Variants in ST6GALNAC3 observed in about 807,000 individuals in gnomAD.
The protein encoded by ST6GALNAC3 is ST6 N-acetylgalactosaminide alpha-2,6-sialyltransferase 3, also known as alpha-N-acetylgalactosaminide alpha-2,6-sialyltransferase 3.
ST6GALNAC3 carries 25 observed loss-of-function variants against 32.7 expected under a neutral mutation model. The ratio of observed to expected loss-of-function variants is 0.76; its 90% confidence interval spans 0.56 to 1.07. ST6GALNAC3 has a LOEUF of 1.07. Among genes scored for constraint, ST6GALNAC3 ranks in the 50% least tolerant of loss-of-function variants. The pLI is 0.00. For synonymous variants in ST6GALNAC3, 129 were observed against 133.1 expected (o/e 0.97, Z 0.21); for missense variants, 355 against 382.4 (o/e 0.93, Z 0.60).
At chr1:76,220,644 T>G (rs1655712777) in intron 1 of ST6GALNAC3, among the ~76,000 whole-genome samples, 1 of 152,138 alleles carries the variant, frequency 6.6e-6, no homozygotes, top group African/African-American at 2.4e-5. Flanking sequence ...ACGCAATGAC[T>G]TCCTCCTGAA....
intron 1 of ST6GALNAC3, among the ~76,000 whole-genome samples, chr1:76,142,420 G>T (rs1650387895): frequency 6.6e-6 from 1 of 152,172 alleles, no homozygotes; most frequent in African/African-American, 2.4e-5. Flanking sequence ...TTCCTAGGGT[G>T]TTGTCTACAC....
chr1:76,607,025 C>A (rs969418969), intron 3 of ST6GALNAC3, among the ~76,000 whole-genome samples: 2 of 152,094 alleles, frequency 1.3e-5, no homozygotes, highest in African/African-American at 4.8e-5. Context: ...AGACCTGGGC[C>A]TCTCATAATT....
At chr1:76,086,359 GT>G (rs1166536131) in intron 1 of ST6GALNAC3, among the ~76,000 whole-genome samples, 2 of 151,946 alleles carry the variant, frequency 1.3e-5, no homozygotes, top group Non-Finnish European at 2.9e-5. Context: ...AAAGACGATA[GT>G]TTTTTTTCGT....
chr1:76,500,080 G>C (rs903827873), intron 3 of ST6GALNAC3, among the ~76,000 whole-genome samples: 1 of 151,566 alleles, frequency 6.6e-6, no homozygotes, highest in African/African-American at 2.4e-5. Context: ...CATGCTTTTA[G>C]AATCATAAAT....
intron 1 of ST6GALNAC3, among the ~76,000 whole-genome samples, chr1:76,115,146 A>C (rs535952766): frequency 7.9e-5 from 12 of 152,260 alleles, no homozygotes; most frequent in Admixed American, 5.9e-4. Flanking sequence ...AAGGAGAAAA[A>C]TAGATGAGAC....
intron 1 of ST6GALNAC3, among the ~76,000 whole-genome samples, chr1:76,228,448 C>A (rs753965732): frequency 2.0e-5 from 3 of 152,128 alleles, no homozygotes; most frequent in Non-Finnish European, 2.9e-5. Flanking sequence ...AGTAACCTTG[C>A]GAAGAAAGAT....
At chr1:76,111,092 G>A (rs1647898791) in intron 1 of ST6GALNAC3, among the ~76,000 whole-genome samples, 1 of 152,164 alleles carries the variant, frequency 6.6e-6, no homozygotes, top group Admixed American at 6.5e-5. Flanking sequence ...GAACTGTAAT[G>A]TCTAATGTGA....
chr1:76,392,768 A>G (rs1272779472), intron 2 of ST6GALNAC3, among the ~76,000 whole-genome samples: 1 of 152,222 alleles, frequency 6.6e-6, no homozygotes, highest in African/African-American at 2.4e-5. Flanking sequence ...AACCAGAGCA[A>G]GGGTCAACTG....
At chr1:76,256,490 G>A (rs1454920744) in intron 1 of ST6GALNAC3, among the ~76,000 whole-genome samples, 2 of 152,110 alleles carry the variant, frequency 1.3e-5, no homozygotes, top group South Asian at 2.1e-4. Context: ...TTGAAGTGGC[G>A]TTGTAAGTGG....
intron 2 of ST6GALNAC3, among the ~76,000 whole-genome samples, chr1:76,351,131 T>G (rs1648942874): frequency 1.3e-5 from 2 of 152,176 alleles, no homozygotes; most frequent in South Asian, 4.1e-4. Flanking sequence ...ATACAAAGAT[T>G]CGGCTACATT....
chr1:76,221,802 A>C (rs76058167), intron 1 of ST6GALNAC3, among the ~76,000 whole-genome samples: 4,622 of 152,272 alleles, frequency 0.03, 97 homozygotes, highest in Non-Finnish European at 0.05. Context: ...GTTCTGACTT[A>C]ATTCAACTTA....
At chr1:76,510,662 C>A (rs1387780360) in intron 3 of ST6GALNAC3, among the ~76,000 whole-genome samples, 2 of 152,046 alleles carry the variant, frequency 1.3e-5, no homozygotes, top group African/African-American at 4.8e-5. Flanking sequence ...TTGGATAAAC[C>A]CATTGGAAGT....
At chr1:76,147,697 A>G (rs1180193155) in intron 1 of ST6GALNAC3, among the ~76,000 whole-genome samples, 1 of 152,244 alleles carries the variant, frequency 6.6e-6, no homozygotes, top group Middle Eastern at 3.2e-3. Context: ...AACAGTGTCC[A>G]GCAAATGGCA....
At chr1:76,186,230 A>G (rs926440905) in intron 1 of ST6GALNAC3, among the ~76,000 whole-genome samples, 2 of 152,130 alleles carry the variant, frequency 1.3e-5, no homozygotes, top group Non-Finnish European at 2.9e-5. Context: ...CATGCACCTC[A>G]ACTCTGACTT....
chr1:76,103,161 G>A (rs1472879864), intron 1 of ST6GALNAC3, among the ~76,000 whole-genome samples: 1 of 149,758 alleles, frequency 6.7e-6, no homozygotes, highest in Non-Finnish European at 1.5e-5. Context: ...TGGCCTGGGT[G>A]AAGTTTTCTT....
At chr1:76,390,678 T>C (rs1220957788) in intron 2 of ST6GALNAC3, among the ~76,000 whole-genome samples, 2 of 152,080 alleles carry the variant, frequency 1.3e-5, no homozygotes, top group Non-Finnish European at 2.9e-5. Flanking sequence ...CCCCAAACCA[T>C]TGTGTACCTC....
At chr1:76,328,681 T>C (rs1050379759) in intron 2 of ST6GALNAC3, among the ~76,000 whole-genome samples, 5 of 152,284 alleles carry the variant, frequency 3.3e-5, no homozygotes, top group Middle Eastern at 3.4e-3. Context: ...AAAATGTTGA[T>C]TTTCCCAAAT....
intron 2 of ST6GALNAC3, among the ~76,000 whole-genome samples, chr1:76,336,474 C>T (rs948715679): frequency 2.0e-5 from 3 of 152,268 alleles, no homozygotes; most frequent in African/African-American, 2.4e-5. Flanking sequence ...CCATTCGATT[C>T]GGTGGCATTG....
chr1:76,492,213 T>C (rs1660544699), intron 3 of ST6GALNAC3, among the ~76,000 whole-genome samples: 1 of 152,196 alleles, frequency 6.6e-6, no homozygotes, highest in Admixed American at 6.6e-5. Flanking sequence ...AGCGAGTAGA[T>C]GAACAGAAGT....
Sources: gnomAD v4.1 joint callset for allele counts (sites outside exome capture counted in the v4.1 genomes callset) on GRCh38, gnomAD v4.1.1 for gene constraint, MANE v1.5 for transcripts, NCBI Gene and HGNC (gene_info 2026-07-23, HGNC 2026-07-21) for gene names.